KIAA1549L: variants seen among roughly 807,000 people sequenced by gnomAD.
KIAA1549L encodes the protein KIAA1549 like.
Under a neutral mutation model 160.7 loss-of-function variants are expected in KIAA1549L, and 88 were observed. That is an observed-to-expected ratio of 0.55 (90% CI 0.46 to 0.65). KIAA1549L has a LOEUF of 0.65. Among genes scored for constraint, KIAA1549L ranks in the 30% least tolerant of loss-of-function variants. KIAA1549L has a pLI of 0.00. For synonymous variants in KIAA1549L, 950 were observed against 976.7 expected (o/e 0.97, Z 0.51); for missense variants, 2,258 against 2,437.5 (o/e 0.93, Z 1.55).
rs772232774 is a variant in KIAA1549L at position 33,562,301 on chromosome 11, C to G, written c.4078+566C>G. Among the ~76,000 whole-genome samples, 80 of 152,250 alleles carry G rather than the reference C, an allele frequency of 5.3e-4. 1 individual carries two copies. The highest frequency in any genetic ancestry group is 3.4e-3 in the Middle Eastern group (1 of 294). On this transcript the variant is annotated intron_variant, in intron 8 of 20. Coordinates refer to ENST00000658780, the MANE Select transcript of KIAA1549L (RefSeq NM_012194.3). The stretch of plus-strand genomic sequence containing the variant: ...TTCTTTGTGTTTTTCAAAAGCCAGA[C>G]AGTAGTTTCGGGATTGAGAGCTGAA...
intron 1 of KIAA1549L, among the ~76,000 whole-genome samples, chr11:33,493,302 G>GCC (rs1852738918): frequency 6.6e-6 from 1 of 152,158 alleles, no homozygotes; most frequent in Admixed American, 6.5e-5. Flanking sequence ...TTGCTCTCTT[G>GCC]CCCCCTTCTT....
chr11:33,503,322 AATTC>A (rs1188944682), intron 1 of KIAA1549L, among the ~76,000 whole-genome samples: 5 of 152,360 alleles, frequency 3.3e-5, no homozygotes, highest in Middle Eastern at 3.4e-3. Flanking sequence ...ACAATGTATT[AATTC>A]ATTCCTCTGG....
rs755385142 is a variant in KIAA1549L at position 33,658,819 on chromosome 11, C to G, written c.5928C>G (p.His1976Gln). 1.3e-6 allele frequency: 2 copies of G among 1,566,868 alleles called. No individual in the cohort carries two copies. Among genetic ancestry groups the G allele is most frequent in the Non-Finnish European group, 1.7e-6 (2 of 1,156,080 alleles). Reference sequence around the variant, plus strand: ...CAGGGCCCGAGCCGGCCCAGCTGCACGACAGCGCCTCCTTCACGCAGATGT... The same window carrying G: ...CAGGGCCCGAGCCGGCCCAGCTGCAGGACAGCGCCTCCTTCACGCAGATGT... ...ESTGPEPAQL[H>Q]DSASFTQMSR... Residue 1976 changes from histidine to glutamine, a missense_variant, in exon 19 of 21, where the codon CAC becomes CAG. His to Gln is a conservative substitution (Grantham distance 24, BLOSUM62 0). Transcript: ENST00000658780.
At chr11:33,484,692 G>C (rs1202708908) in intron 1 of KIAA1549L, among the ~76,000 whole-genome samples, 1 of 152,160 alleles carries the variant, frequency 6.6e-6, no homozygotes, top group Non-Finnish European at 1.5e-5. Flanking sequence ...GCGTCTGCTG[G>C]TGTGGAAAGC....
chr11:33,573,769 T>A (rs1855351725), intron 9 of KIAA1549L, among the ~76,000 whole-genome samples: 1 of 152,190 alleles, frequency 6.6e-6, no homozygotes, highest in African/African-American at 2.4e-5. Context: ...TTAGTTTGAT[T>A]TACCAGGCAT....
intron 10 of KIAA1549L, among the ~76,000 whole-genome samples, chr11:33,580,772 C>G (rs182779368): frequency 2.0e-5 from 3 of 152,162 alleles, no homozygotes; most frequent in African/African-American, 2.4e-5. Context: ...CCTCATGGAG[C>G]TTATGTTCTA....
chr11:33,616,491 C>A (rs1850812099), intron 15 of KIAA1549L, among the ~76,000 whole-genome samples: 1 of 152,092 alleles, frequency 6.6e-6, no homozygotes, highest in Non-Finnish European at 1.5e-5. Context: ...AAGGGAGCCC[C>A]CAAGTGACAT....
chr11:33,535,743 T>G (rs995125608), intron 1 of KIAA1549L, among the ~76,000 whole-genome samples: 7 of 152,184 alleles, frequency 4.6e-5, no homozygotes, highest in African/African-American at 1.7e-4. Flanking sequence ...ACAAAAGGCA[T>G]GACCACCAGG....
intron 1 of KIAA1549L, among the ~76,000 whole-genome samples, chr11:33,433,762 A>T (rs1851299411): frequency 6.6e-6 from 1 of 152,236 alleles, no homozygotes; most frequent in Non-Finnish European, 1.5e-5. Flanking sequence ...TGCAGCCATA[A>T]AAGGAATGAG....
At chr11:33,612,084 A>T (rs1850662783) in intron 15 of KIAA1549L, among the ~76,000 whole-genome samples, 1 of 152,220 alleles carries the variant, frequency 6.6e-6, no homozygotes, top group African/African-American at 2.4e-5. Context: ...AACATTTTTG[A>T]CCAGTTAAGG....
intron 1 of KIAA1549L, among the ~76,000 whole-genome samples, chr11:33,431,636 A>G (rs552114948): frequency 6.6e-6 from 1 of 152,348 alleles, no homozygotes; most frequent in African/African-American, 2.4e-5. Context: ...CTAGACATAA[A>G]GGTTCTCCAA....
At chr11:33,497,266 G>C (rs556955077) in intron 1 of KIAA1549L, among the ~76,000 whole-genome samples, 9 of 152,164 alleles carry the variant, frequency 5.9e-5, no homozygotes, top group African/African-American at 2.2e-4. Context: ...ATACTTTCCA[G>C]CACAAAGGGG....
chr11:33,407,726 G>C (rs1291882912), intron 1 of KIAA1549L, among the ~76,000 whole-genome samples: 1 of 152,118 alleles, frequency 6.6e-6, no homozygotes, highest in African/African-American at 2.4e-5. Context: ...ATGAGGGTTG[G>C]GGAATCCTAA....
At chr11:33,590,663 T>C (rs1408473973) in intron 11 of KIAA1549L, among the ~76,000 whole-genome samples, 5 of 152,200 alleles carry the variant, frequency 3.3e-5, no homozygotes, top group African/African-American at 4.8e-5. Flanking sequence ...GCTTCACATG[T>C]GATAACACAC....
chr11:33,586,758 C>T (rs1357813518), intron 11 of KIAA1549L, among the ~76,000 whole-genome samples: 2 of 152,176 alleles, frequency 1.3e-5, no homozygotes, highest in African/African-American at 4.8e-5. Context: ...TATAGGATAA[C>T]TTACCCAGCT....
At chr11:33,507,660 C>T (rs1169702012) in intron 1 of KIAA1549L, among the ~76,000 whole-genome samples, 6 of 152,038 alleles carry the variant, frequency 3.9e-5, no homozygotes, top group Admixed American at 3.9e-4. Flanking sequence ...AATAGAGATA[C>T]TCCTCCCTAC....
intron 10 of KIAA1549L, among the ~76,000 whole-genome samples, chr11:33,578,318 G>C (rs898823283): frequency 6.6e-6 from 1 of 152,114 alleles, no homozygotes; most frequent in African/African-American, 2.4e-5. Context: ...TTCAAACTCT[G>C]TTTGGCCAGG....
At chr11:33,443,444 G>A (rs1414717820) in intron 1 of KIAA1549L, among the ~76,000 whole-genome samples, 1 of 152,156 alleles carries the variant, frequency 6.6e-6, no homozygotes, top group Non-Finnish European at 1.5e-5. Context: ...CCATGGCACA[G>A]TGCCCACCAA....
At position 33,541,857 on chromosome 11, in the gene KIAA1549L, G is replaced by A. The variant is rs1854031543; in HGVS notation, c.294G>A (p.Gly98=). 3.6e-6 allele frequency: 1 copy of A among 275,310 alleles called. No homozygotes were observed. The highest frequency in any genetic ancestry group is 7.5e-6 in the Non-Finnish European group (1 of 132,894). 17.1% of individuals were successfully genotyped at this position (275,310 alleles called of 1,614,324 possible). The change falls in exon 2 of 21, where the codon GGG becomes GGA. Residue 98 remains glycine, a synonymous_variant. Transcript: ENST00000658780. The part of the protein sequence containing the change: ...VTRTPESFPP[G]KLLPISPTWP... ...GGACTCCAGAGTCATTTCCTCCCGGGAAATTGTTACCAATTTCACCAACAT... is the reference window on the plus strand; with the variant it reads ...GGACTCCAGAGTCATTTCCTCCCGGAAAATTGTTACCAATTTCACCAACAT...
Sources: gnomAD v4.1 joint callset for allele counts (sites outside exome capture counted in the v4.1 genomes callset) on GRCh38, gnomAD v4.1.1 for gene constraint, MANE v1.5 for transcripts, NCBI Gene and HGNC (gene_info 2026-07-23, HGNC 2026-07-21) for gene names.